Variants in TMEM107 observed in about 807,000 individuals in gnomAD.
TMEM107 encodes the protein transmembrane protein 107.
TMEM107 carries 18 observed loss-of-function variants against 16.8 expected under a neutral mutation model. The observed-to-expected ratio is 1.07, with a 90% CI of 0.74 to 1.59. The LOEUF is 1.59. Among genes scored for constraint, TMEM107 ranks in the 40% most tolerant of loss-of-function variants. The pLI is 0.00. For missense variants in TMEM107, 152 were observed against 175.4 expected (o/e 0.87, Z 0.75); for synonymous variants, 68 against 71.6 (o/e 0.95, Z 0.25).
chr17:8,174,797 C>G (rs1349565526), intron 3 of TMEM107, 181 bp from the exon 4 acceptor site: 2 of 621,772 alleles, frequency 3.2e-6, no homozygotes, highest in Non-Finnish European at 5.7e-6. Context: ...GAGGAGAGAC[C>G]AGAAGTGACT....
At position 8,174,629 on chromosome 17, in the gene TMEM107, C is replaced by A. The variant is rs1031683296; in HGVS notation, c.257-13G>T. On this transcript the variant is annotated splice_polypyrimidine_tract_variant and intron_variant, in intron 3 of 4. Coordinates refer to ENST00000437139, the MANE Select transcript of TMEM107 (RefSeq NM_183065.4). The stretch of plus-strand genomic sequence containing the variant: ...TGAGCCCCAATGGCTTGGGAAGGCA[C>A]GAGATTAAGGAAAGTCTTTGGATCG... 3.7e-6 allele frequency: 6 copies of A among 1,612,124 alleles called. No homozygotes were observed. Among genetic ancestry groups the A allele is most frequent in the Non-Finnish European group, 5.1e-6 (6 of 1,178,458 alleles).
At chr17:8,175,662 G>A (rs767923492) in intron 3 of TMEM107, 95 bp downstream of exon 3, 2 of 1,026,412 alleles carry the variant, frequency 1.9e-6, no homozygotes, top group Non-Finnish European at 3.1e-6. Context: ...TGAACTGGAA[G>A]GATTGGCTAC....
chr17:8,175,428 G>C, intron 3 of TMEM107: 1 of 556,212 alleles, frequency 1.8e-6, no homozygotes, highest in African/African-American at 1.9e-5. Flanking sequence ...TTACAGATTT[G>C]TATCTACCTC....
chr17:8,173,250 A>G lies in TMEM107; in HGVS notation c.*953T>C. 2.0e-6 allele frequency: 1 copy of G among 509,792 alleles called. No individual in the cohort carries two copies. The highest frequency in any genetic ancestry group is 3.5e-6 in the Non-Finnish European group (1 of 284,338). The allele number at this position is 509,792 out of a possible 1,614,324, so 31.6% of individuals were successfully genotyped here. A position where few individuals can be genotyped will look rare whatever the true frequency, so the allele number is the denominator to read the frequency against. On this transcript the variant is annotated 3_prime_UTR_variant, in exon 5 of 5. Coordinates refer to ENST00000437139, the MANE Select transcript of TMEM107 (RefSeq NM_183065.4). ...ACAAAGAGCCCATTTGTATTATTTC[A>G]CTGCCTAAATTCCAGAAAGCAACAA...
At chr17:8,174,304 T>G in intron 4 of TMEM107, 32 bp from the exon 5 acceptor site, 1 of 1,597,400 alleles carries the variant, frequency 6.3e-7, no homozygotes, top group South Asian at 1.1e-5. Context: ...TCAGAAACCC[T>G]TTCAGTATAA....
At position 8,172,773 on chromosome 17, in the gene TMEM107, C is replaced by G. The variant is rs1983631946; in HGVS notation, c.*1430G>C. Among the ~76,000 whole-genome samples, 1 of 145,562 alleles carries G rather than the reference C, an allele frequency of 6.9e-6. No individual in the cohort carries two copies. The highest frequency in any genetic ancestry group is 1.5e-5 in the Non-Finnish European group (1 of 67,064). The stretch of plus-strand genomic sequence containing the variant: ...GGCTGATGCAGGAGGATCATCTGAG[C>G]CTGGGAGTTTGAGGCTGCAGTGAGC... On this transcript the variant is annotated 3_prime_UTR_variant, in exon 5 of 5. Coordinates refer to ENST00000437139, the MANE Select transcript of TMEM107 (RefSeq NM_183065.4).
At position 8,173,561 on chromosome 17, in the gene TMEM107, A is replaced by C. The variant is rs764953239; in HGVS notation, c.*642T>G. ...TTCTAATCTGCCCTCCGGAGGAGGA[A>C]CAGGTAAGGATTATCCCACCTGACG... On this transcript the variant is annotated 3_prime_UTR_variant, in exon 5 of 5. Coordinates refer to ENST00000437139, the MANE Select transcript of TMEM107 (RefSeq NM_183065.4). The C allele has an allele frequency of 2.9e-5, 22 of 765,270 alleles. No homozygotes were observed. Among genetic ancestry groups the C allele is most frequent in the East Asian group, 4.8e-5 (2 of 41,256 alleles). 47.4% of individuals were successfully genotyped at this position (765,270 alleles called of 1,614,324 possible).
rs1027660599 is a variant in TMEM107, at chr17:8,173,367, C to T, written c.*836G>A. On this transcript the variant is annotated 3_prime_UTR_variant, in exon 5 of 5. Transcript: ENST00000437139. ...GCAAGACTGCAAAATAGACAAACAG[C>T]AAGGTTATCCCAGTCAGAACTTCAT... is the stretch of plus-strand genomic sequence containing the variant. The T allele has an allele frequency of 9.5e-6, 6 of 632,378 alleles. No individual in the cohort carries two copies. The highest frequency in any genetic ancestry group is 9.2e-5 in the South Asian group (5 of 54,212). 39.2% of individuals were successfully genotyped at this position (632,378 alleles called of 1,614,324 possible).
At position 8,173,432 on chromosome 17, in the gene TMEM107, A is replaced by T. The variant is rs770436015; in HGVS notation, c.*771T>A. The T allele has an allele frequency of 1.8e-5, 14 of 760,272 alleles. No homozygotes were observed. In the East Asian group the frequency reaches 3.2e-4, roughly 17 times the overall value. The allele number at this position is 760,272 out of a possible 1,614,324, so 47.1% of individuals were successfully genotyped here. ...ATATCTGCTAATCAGCATAACACAA[A>T]TGTAAGTGATCGTCAGAAAGAATCA... is the stretch of plus-strand genomic sequence containing the variant. On this transcript the variant is annotated 3_prime_UTR_variant, in exon 5 of 5. Coordinates refer to ENST00000437139, the MANE Select transcript of TMEM107 (RefSeq NM_183065.4).
Position 8,174,202 on chromosome 17 carries a change from AT to A in TMEM107, c.423del (p.Ter141CysfsTer49). On this transcript the variant is annotated frameshift_variant and stop_lost, in exon 5 of 5. Coordinates refer to ENST00000437139, the MANE Select transcript of TMEM107 (RefSeq NM_183065.4). LOFTEE classifies it high-confidence loss of function. Reference protein sequence around the residue: ...TVFGLKKKPF* With the variant: ...TVFGLKKKPFX ...TCCTTAGGTTCCCGTCATGAAGGTA[AT>A]CAGAAGGGTTTCTTTTTCAGCCCAA... 1 of 1,613,994 alleles carries A rather than the reference AT, an allele frequency of 6.2e-7. No individual in the cohort carries two copies. Among genetic ancestry groups the A allele is most frequent in the East Asian group, 2.2e-5 (1 of 44,886 alleles).
rs1402242064 is a variant in TMEM107, at chr17:8,173,265, G to C, written c.*938C>G. The C allele has an allele frequency of 7.7e-6, 4 of 519,960 alleles. No individual in the cohort carries two copies. The highest frequency in any genetic ancestry group is 3.6e-5 in the Admixed American group (1 of 27,988). 32.2% of individuals were successfully genotyped at this position (519,960 alleles called of 1,614,324 possible). On this transcript the variant is annotated 3_prime_UTR_variant, in exon 5 of 5. Coordinates refer to ENST00000437139, the MANE Select transcript of TMEM107 (RefSeq NM_183065.4). ...GTATTATTTCACTGCCTAAATTCCAGAAAGCAACAAAAACCAAATCACAAT... is the reference window on the plus strand; with the variant it reads ...GTATTATTTCACTGCCTAAATTCCACAAAGCAACAAAAACCAAATCACAAT...
chr17:8,174,481 C>T (rs755373105), intron 4 of TMEM107, 39 bp downstream of exon 4: 1 of 1,598,414 alleles, frequency 6.3e-7, no homozygotes, highest in African/African-American at 1.3e-5. Context: ...TTAGGGCCAA[C>T]CTTCCTCCCT....
In TMEM107 at chr17:8,173,532, C is replaced by A. The variant is rs886039784; in HGVS notation, c.*671G>T. On this transcript the variant is annotated 3_prime_UTR_variant, in exon 5 of 5. Transcript: ENST00000437139. ...TCACGTTTCATGCATCTCCAATCATCATGTTCTAATCTGCCCTCCGGAGGA... is the reference window on the plus strand; with the variant it reads ...TCACGTTTCATGCATCTCCAATCATAATGTTCTAATCTGCCCTCCGGAGGA... 1.3e-6 allele frequency: 1 copy of A among 765,434 alleles called. No individual in the cohort carries two copies. Among genetic ancestry groups the A allele is most frequent in the Non-Finnish European group, 2.4e-6 (1 of 418,022 alleles). The allele number at this position is 765,434 out of a possible 1,614,324, so 47.4% of individuals were successfully genotyped here.
intron 4 of TMEM107, 75 bp downstream of exon 4, chr17:8,174,445 G>T: frequency 6.8e-7 from 1 of 1,467,034 alleles, no homozygotes; most frequent in Non-Finnish European, 9.5e-7. Flanking sequence ...GGAGGAAAGG[G>T]CTGGGTAGGG....
chr17:8,176,163 G>T, intron 1 of TMEM107, 37 bp downstream of exon 1: 1 of 1,606,976 alleles, frequency 6.2e-7, no homozygotes, highest in Non-Finnish European at 8.5e-7. Flanking sequence ...CTCAGAGATG[G>T]GAATGGGGAC....
rs1167911852 is a variant in TMEM107, at chr17:8,173,327, A to T, written c.*876T>A. 1 of 554,290 alleles carries T rather than the reference A, an allele frequency of 1.8e-6. No homozygotes were observed. The highest frequency in any genetic ancestry group is 3.2e-6 in the Non-Finnish European group (1 of 307,936). The allele number at this position is 554,290 out of a possible 1,614,324, so 34.3% of individuals were successfully genotyped here. On this transcript the variant is annotated 3_prime_UTR_variant, in exon 5 of 5. Transcript: ENST00000437139. ...AACAAATTTAGCAAGACTGCAAAAT[A>T]GACAAACAGCAATAGCAAGACTGCA...
rs886039784 is a variant in TMEM107 at position 8,173,532 on chromosome 17, C to G, written c.*671G>C. Reference sequence around the variant, plus strand: ...TCACGTTTCATGCATCTCCAATCATCATGTTCTAATCTGCCCTCCGGAGGA... The same window carrying G: ...TCACGTTTCATGCATCTCCAATCATGATGTTCTAATCTGCCCTCCGGAGGA... On this transcript the variant is annotated 3_prime_UTR_variant, in exon 5 of 5. Transcript: ENST00000437139. 1.3e-6 allele frequency: 1 copy of G among 765,434 alleles called. No individual in the cohort carries two copies. The highest frequency in any genetic ancestry group is 2.4e-6 in the Non-Finnish European group (1 of 418,022). 47.4% of individuals were successfully genotyped at this position (765,434 alleles called of 1,614,324 possible).
rs1983729645 is a variant in TMEM107, at chr17:8,173,337, C to CAAGACTGCAAAATAGACAAACAGT, written c.*865_*866insACTGTTTGTCTATTTTGCAGTCTT. 2.1e-5 allele frequency: 12 copies of CAAGACTGCAAAATAGACAAACAGT among 576,380 alleles called. No homozygotes were observed. The highest frequency in any genetic ancestry group is 3.8e-5 in the African/African-American group (2 of 53,114). The allele number at this position is 576,380 out of a possible 1,614,324, so 35.7% of individuals were successfully genotyped here. A position where few individuals can be genotyped will look rare whatever the true frequency, so the allele number is the denominator to read the frequency against. On this transcript the variant is annotated 3_prime_UTR_variant, in exon 5 of 5. Transcript: ENST00000437139. ...GCAAGACTGCAAAATAGACAAACAG[C>CAAGACTGCAAAATAGACAAACAGT]AATAGCAAGACTGCAAAATAGACAA...
chr17:8,175,795 G>A lies in TMEM107; in HGVS notation c.218C>T (p.Ser73Leu), dbSNP rs969768247. 1.2e-6 allele frequency: 2 copies of A among 1,614,092 alleles called. No individual in the cohort carries two copies. Among genetic ancestry groups the A allele is most frequent in the Middle Eastern group, 1.6e-4 (1 of 6,084 alleles). Residue 73 changes from serine (S) to leucine (L), a missense_variant, in exon 3 of 5, where the codon TCA becomes TTA. By Grantham distance (145) the Ser-to-Leu change is moderately radical. Coordinates refer to ENST00000437139, the MANE Select transcript of TMEM107 (RefSeq NM_183065.4). ...LFAVELAGFL[S>L]GVSMFNSTQS... ...GGTGCTGTTGAACATGGAGACTCCTGAGAGGAAACCGGCCAGCTCCACTGC... is the reference window on the plus strand; with the variant it reads ...GGTGCTGTTGAACATGGAGACTCCTAAGAGGAAACCGGCCAGCTCCACTGC...
Sources: gnomAD v4.1 joint callset for allele counts (sites outside exome capture counted in the v4.1 genomes callset) on GRCh38, gnomAD v4.1.1 for gene constraint, MANE v1.5 for transcripts, NCBI Gene and HGNC (gene_info 2026-07-23, HGNC 2026-07-21) for gene names.